The following C6 variants were observed in gnomAD, a reference collection of about 807,000 sequenced individuals.
C6 encodes the protein complement component C6.
Under a neutral mutation model 112.9 loss-of-function variants are expected in C6, and 101 were observed. The observed-to-expected ratio is 0.89, with a 90% CI of 0.76 to 1.06. The LOEUF is 1.06. Among genes scored for constraint, C6 ranks in the 50% least tolerant of loss-of-function variants. The probability of loss-of-function intolerance (pLI) is 0.00; values close to 1 mark genes in which losing one functional copy is unlikely to be tolerated. For missense variants in C6, 1,202 were observed against 1,104.6 expected, an observed-to-expected ratio of 1.09 and a Z score of -1.25; for synonymous variants, 431 against 384.1, an observed-to-expected ratio of 1.12 and a Z score of -1.43.
intron 1 of C6, among the ~76,000 whole-genome samples, chr5:41,220,882 A>G (rs980627683): frequency 2.6e-5 from 4 of 152,050 alleles, no homozygotes; most frequent in Non-Finnish European, 5.9e-5. Flanking sequence ...ATAGGCCCCA[A>G]TGTCTATTGC....
chr5:41,204,066 A>C (rs1189168677), intron 1 of C6, among the ~76,000 whole-genome samples: 1 of 152,002 alleles, frequency 6.6e-6, no homozygotes, highest in African/African-American at 2.4e-5. Context: ...AACCATACCC[A>C]CCCCGTTATT....
intron 15 of C6, among the ~76,000 whole-genome samples, chr5:41,150,488 G>T (rs1746284748): frequency 6.6e-6 from 1 of 152,122 alleles, no homozygotes; most frequent in Non-Finnish European, 1.5e-5. Flanking sequence ...CTATCAAAGA[G>T]AAGCATATAA....
chr5:41,153,341 G>T lies in C6; in HGVS notation c.2290+469C>A, dbSNP rs56151502. Among the ~76,000 whole-genome samples the T allele has an allele frequency of 1.9e-3, 293 of 152,326 alleles. 1 individual carries two copies. Among genetic ancestry groups the T allele is most frequent in the African/African-American group, 6.2e-3 (259 of 41,588 alleles). On this transcript the variant is annotated intron_variant, in intron 15 of 17. Coordinates refer to ENST00000337836, the MANE Select transcript of C6 (RefSeq NM_000065.5). Reference sequence around the variant, plus strand: ...AATCTAAGGGCACGTGTGTGCACATGCATGCATATGCCCTTATGAGGATAC... The same window carrying T: ...AATCTAAGGGCACGTGTGTGCACATTCATGCATATGCCCTTATGAGGATAC...
intron 9 of C6, among the ~76,000 whole-genome samples, chr5:41,164,558 A>C (rs1350070040): frequency 6.6e-6 from 1 of 152,206 alleles, no homozygotes; most frequent in Non-Finnish European, 1.5e-5. Flanking sequence ...TTTAGAAACA[A>C]TTGCATTCCC....
intron 17 of C6, among the ~76,000 whole-genome samples, chr5:41,147,617 T>C (rs970514401): frequency 1.3e-5 from 2 of 152,248 alleles, no homozygotes; most frequent in Non-Finnish European, 2.9e-5. Flanking sequence ...GGTTTTTGTC[T>C]TTCTTTTTGC....
intron 1 of C6, among the ~76,000 whole-genome samples, chr5:41,242,905 A>C (rs1188048429): frequency 1.3e-5 from 2 of 152,310 alleles, no homozygotes; most frequent in Non-Finnish European, 2.9e-5. Flanking sequence ...AAAAAAAAAA[A>C]AAAATACTGT....
chr5:41,155,016 C>A lies in C6; in HGVS notation c.2057G>T (p.Cys686Phe). The change falls in exon 14 of 18, where the codon TGC becomes TTC. Residue 686 changes from cysteine (C) to phenylalanine (F), a missense_variant. Coordinates refer to ENST00000337836, the MANE Select transcript of C6 (RefSeq NM_000065.5). The part of the protein sequence containing the change: ...FETVGYQYFR[C>F]LPDGTWRQGD... ...TTGTCTCCAGGTCCCGTCTGGTAAG[C>A]ATCTGAAGTACTGGTATCCAACAGT... 6.2e-7 allele frequency: 1 copy of A among 1,613,824 alleles called. No homozygotes were observed. The highest frequency in any genetic ancestry group is 8.5e-7 in the Non-Finnish European group (1 of 1,179,764).
At position 41,175,454 on chromosome 5, in the gene C6, C is replaced by T. The variant is rs74983828; in HGVS notation, c.1168+1021G>A. ...CATCCCAAACTCCTTTTCTTTCCTT[C>T]ATTATATGTAACTGTCAGTCTCTAC... On this transcript the variant is annotated intron_variant, in intron 8 of 17. Transcript: ENST00000337836. 1.4e-3 allele frequency among the ~76,000 whole-genome samples: 212 copies of T among 152,282 alleles called. 6 individuals are homozygous for T. The East Asian group carries it at 0.039, about 28-fold the overall frequency.
intron 1 of C6, among the ~76,000 whole-genome samples, chr5:41,233,788 C>A (rs1740055920): frequency 6.6e-6 from 1 of 152,020 alleles, no homozygotes; most frequent in East Asian, 1.9e-4. Context: ...CCAAATGAGA[C>A]CTGATCATTT....
At chr5:41,188,355 C>T (rs1218576090) in intron 5 of C6, among the ~76,000 whole-genome samples, 3 of 152,044 alleles carry the variant, frequency 2.0e-5, no homozygotes, top group African/African-American at 4.8e-5. Context: ...GAATTACCTT[C>T]CTGATACACA....
intron 1 of C6, among the ~76,000 whole-genome samples, chr5:41,257,520 T>G (rs1486950623): frequency 6.6e-6 from 1 of 152,174 alleles, no homozygotes. Context: ...ACTTATTTTT[T>G]GGGGATACAT....
intron 5 of C6, among the ~76,000 whole-genome samples, chr5:41,191,544 A>G (rs1750214517): frequency 6.6e-6 from 1 of 152,158 alleles, no homozygotes; most frequent in African/African-American, 2.4e-5. Flanking sequence ...AATCCATAAA[A>G]ACAGGATGCC....
chr5:41,205,220 T>A (rs1751341146), intron 1 of C6, among the ~76,000 whole-genome samples: 1 of 152,202 alleles, frequency 6.6e-6, no homozygotes, highest in African/African-American at 2.4e-5. Context: ...GAGTCCTAGA[T>A]TATTTCAGTC....
chr5:41,243,424 A>C (rs1561202037), intron 1 of C6, among the ~76,000 whole-genome samples: 1 of 152,234 alleles, frequency 6.6e-6, no homozygotes, highest in Non-Finnish European at 1.5e-5. Flanking sequence ...TGTTATGTTA[A>C]AAAATTTTTA....
chr5:41,260,698 C>T (rs1428701697), intron 1 of C6, among the ~76,000 whole-genome samples: 1 of 151,596 alleles, frequency 6.6e-6, no homozygotes, highest in Non-Finnish European at 1.5e-5. Flanking sequence ...TCACTTGAAC[C>T]TGGGAGGTGG....
chr5:41,240,584 T>G (rs181653590), intron 1 of C6, among the ~76,000 whole-genome samples: 19 of 152,214 alleles, frequency 1.2e-4, no homozygotes, highest in Non-Finnish European at 4.4e-5. Context: ...GATGCTGATG[T>G]TGGTGGTGGC....
rs780100571 is a variant in C6, at chr5:41,195,883, C to T, written c.496G>A (p.Asp166Asn). The change falls in exon 5 of 18, where the codon GAC becomes AAC. Residue 166 changes from aspartate (D) to asparagine (N), a missense_variant. Physicochemically the swap from Asp to Asn is conservative, Grantham distance 23. Coordinates refer to ENST00000337836, the MANE Select transcript of C6 (RefSeq NM_000065.5). Reference protein sequence around the residue: ...LECNGENDCGDNSDERDCGRT... With the variant: ...LECNGENDCGNNSDERDCGRT... Reference sequence around the variant, plus strand: ...CCACAGTCCCTTTCATCTGAATTGTCTCCACAGTCATTTTCTCCATTGCAT... The same window carrying T: ...CCACAGTCCCTTTCATCTGAATTGTTTCCACAGTCATTTTCTCCATTGCAT... 2.4e-5 allele frequency: 39 copies of T among 1,613,892 alleles called. No homozygotes were observed. The highest frequency in any genetic ancestry group is 3.1e-5 in the Non-Finnish European group (37 of 1,179,942).
At chr5:41,154,117 G>A in intron 14 of C6, 119 bp from the exon 15 acceptor site, 1 of 820,704 alleles carries the variant, frequency 1.2e-6, no homozygotes, top group Non-Finnish European at 2.0e-6. Flanking sequence ...GTTCAGCTTT[G>A]GTGCCTCCTT....
Position 41,176,598 on chromosome 5 carries a change from A to T in C6, c.1045T>A (p.Tyr349Asn). 6.2e-7 allele frequency: 1 copy of T among 1,613,984 alleles called. No homozygotes were observed. The highest frequency in any genetic ancestry group is 8.5e-7 in the Non-Finnish European group (1 of 1,179,900). Reference protein sequence around the residue: ...LKALNHLPLEYNSALYSRIFD... With the variant: ...LKALNHLPLENNSALYSRIFD... ...ATTCGGCTGTACAAAGCAGAGTTGT[A>T]TTCTAGAGGCAGATGGTTAAGTGCT... is the stretch of plus-strand genomic sequence containing the variant. Residue 349 changes from tyrosine to asparagine, a missense_variant, in exon 8 of 18, where the codon TAC becomes AAC. Tyr to Asn is a moderately radical substitution (Grantham distance 143). Transcript: ENST00000337836.
Sources: gnomAD v4.1 joint callset for allele counts (sites outside exome capture counted in the v4.1 genomes callset) on GRCh38, gnomAD v4.1.1 for gene constraint, MANE v1.5 for transcripts, NCBI Gene and HGNC (gene_info 2026-07-23, HGNC 2026-07-21) for gene names.